The following TRPM6 variants were observed in gnomAD, a reference collection of about 807,000 sequenced individuals.
TRPM6 encodes the protein channel kinase 2.
Under a neutral mutation model 247.6 loss-of-function variants are expected in TRPM6, and 111 were observed. That is an observed-to-expected ratio of 0.45 (90% CI 0.38 to 0.52). TRPM6 has a LOEUF of 0.52. Among genes scored for constraint, TRPM6 ranks in the 20% least tolerant of loss-of-function variants. TRPM6 has a pLI of 0.00. For synonymous variants in TRPM6, 892 were observed against 853.8 expected, an observed-to-expected ratio of 1.04 and a Z score of -0.78; for missense variants, 2,126 against 2,421.5, an observed-to-expected ratio of 0.88 and a Z score of 2.56.
chr9:74,735,286 A>G (rs912282578), intron 36 of TRPM6, among the ~76,000 whole-genome samples: 2 of 152,076 alleles, frequency 1.3e-5, no homozygotes, highest in African/African-American at 4.8e-5. Context: ...GGAAAAGAAA[A>G]GAAGAGGAGA....
At chr9:74,769,202 G>A (rs148352437) in intron 25 of TRPM6, among the ~76,000 whole-genome samples, 2,662 of 152,268 alleles carry the variant, frequency 0.017, 36 homozygotes, top group Non-Finnish European at 0.023. Flanking sequence ...CTGGAGTGCA[G>A]TGGTGCGATT....
chr9:74,749,484 G>A (rs1170710875), intron 30 of TRPM6, among the ~76,000 whole-genome samples: 1 of 152,126 alleles, frequency 6.6e-6, no homozygotes, highest in Non-Finnish European at 1.5e-5. Flanking sequence ...TAAACTAAAG[G>A]ATTCCTGAAC....
intron 29 of TRPM6, among the ~76,000 whole-genome samples, chr9:74,751,421 G>A (rs1253992890): frequency 6.6e-6 from 1 of 152,122 alleles, no homozygotes; most frequent in African/African-American, 2.4e-5. Context: ...TTTGAACACA[G>A]GTCCCTGCTT....
intron 33 of TRPM6, among the ~76,000 whole-genome samples, chr9:74,740,514 T>G (rs188273252): frequency 3.4e-4 from 52 of 152,342 alleles, no homozygotes; most frequent in African/African-American, 1.2e-3. Flanking sequence ...AATATGTGCA[T>G]ATACATAATG....
chr9:74,868,971 G>A (rs931921077), intron 1 of TRPM6, among the ~76,000 whole-genome samples: 2 of 152,182 alleles, frequency 1.3e-5, no homozygotes, highest in African/African-American at 2.4e-5. Flanking sequence ...AATTAGGGAA[G>A]GGAGACAGTT....
chr9:74,852,523 C>G (rs965929547), intron 3 of TRPM6, among the ~76,000 whole-genome samples: 1 of 152,072 alleles, frequency 6.6e-6, no homozygotes, highest in Non-Finnish European at 1.5e-5. Flanking sequence ...CCTCTCTCCA[C>G]GGTCTCCCTC....
At chr9:74,804,519 AAAG>A (rs1321450575) in intron 14 of TRPM6, 5 of 719,136 alleles carry the variant, frequency 7.0e-6, no homozygotes, top group African/African-American at 1.7e-5. Flanking sequence ...AGAGATTGAA[AAAG>A]AAGAGCAGGC....
intron 1 of TRPM6, among the ~76,000 whole-genome samples, chr9:74,885,303 GA>G (rs1831498043): frequency 6.6e-6 from 1 of 152,178 alleles, no homozygotes; most frequent in South Asian, 2.1e-4. Context: ...CAGGAAAACA[GA>G]AAAGAGTTAA....
rs2118843699 is a variant in TRPM6 at position 74,762,935 on chromosome 9, A to G, written c.3736T>C (p.Cys1246Arg). 3 of 1,605,550 alleles carry G rather than the reference A, an allele frequency of 1.9e-6. No homozygotes were observed. Among genetic ancestry groups the G allele is most frequent in the East Asian group, 4.5e-5 (2 of 44,710 alleles). ...CTCCAGCTGTGGGGAAGTTTTTTGC[A>G]AGTAGAATGCTTTCTCTTGGCCAGG... ...ALLAKRKHST[C>R]KKLPHSWSNV... is the part of the protein sequence containing the mutation. The change falls in exon 26 of 39, where the codon TGC (cysteine) becomes CGC (arginine). Residue 1246 changes from cysteine to arginine, a missense_variant. Physicochemically the swap from Cys to Arg is radical, Grantham distance 180 (BLOSUM62 -3). Coordinates refer to ENST00000360774, the MANE Select transcript of TRPM6 (RefSeq NM_017662.5).
intron 1 of TRPM6, among the ~76,000 whole-genome samples, chr9:74,871,468 T>C (rs1427111959): frequency 1.3e-5 from 2 of 152,182 alleles, no homozygotes; most frequent in African/African-American, 2.4e-5. Context: ...ATATATAGAA[T>C]TGCTTCATTT....
At chr9:74,784,645 C>T (rs1167106942) in intron 21 of TRPM6, among the ~76,000 whole-genome samples, 7 of 152,102 alleles carry the variant, frequency 4.6e-5, no homozygotes, top group African/African-American at 1.7e-4. Context: ...AATTACTGTG[C>T]TCAGAGACAG....
chr9:74,830,031 T>C (rs1564034057), intron 6 of TRPM6, among the ~76,000 whole-genome samples: 2 of 152,140 alleles, frequency 1.3e-5, no homozygotes, highest in African/African-American at 4.8e-5. Context: ...CTCTGGAGGC[T>C]GACATGGGAG....
chr9:74,837,804 G>C (rs1829782257), intron 5 of TRPM6, among the ~76,000 whole-genome samples: 1 of 148,842 alleles, frequency 6.7e-6, no homozygotes, highest in South Asian at 2.1e-4. Context: ...AGGCTGGGTA[G>C]AGTGACATGA....
rs375462836 is a variant in TRPM6 at position 74,858,763 on chromosome 9, T to A, written c.34-15A>T. ...GATTTCTGGGACTAAAAAGAAAGTGTCATTATTTTATACTCTAATTATGTG... is the reference window on the plus strand; with the variant it reads ...GATTTCTGGGACTAAAAAGAAAGTGACATTATTTTATACTCTAATTATGTG... On this transcript the variant is annotated splice_polypyrimidine_tract_variant and intron_variant, in intron 1 of 38. Coordinates refer to ENST00000360774, the MANE Select transcript of TRPM6 (RefSeq NM_017662.5). The A allele has an allele frequency of 3.5e-5, 56 of 1,592,848 alleles. No individual in the cohort carries two copies. The highest frequency in any genetic ancestry group is 2.8e-5 in the Non-Finnish European group (33 of 1,161,404).
chr9:74,788,201 C>G (rs1827766429), intron 20 of TRPM6, among the ~76,000 whole-genome samples: 1 of 152,090 alleles, frequency 6.6e-6, no homozygotes, highest in Admixed American at 6.5e-5. Flanking sequence ...TTATGCCACT[C>G]ATTAGATGAA....
At chr9:74,864,553 G>C (rs1429402769) in intron 1 of TRPM6, among the ~76,000 whole-genome samples, 2 of 152,300 alleles carry the variant, frequency 1.3e-5, no homozygotes, top group African/African-American at 4.8e-5. Context: ...CCACTAAATA[G>C]TCTGTCCAGG....
chr9:74,881,206 C>G (rs1333036369), intron 1 of TRPM6, among the ~76,000 whole-genome samples: 2 of 151,606 alleles, frequency 1.3e-5, no homozygotes, highest in Non-Finnish European at 2.9e-5. Context: ...CCTATAAAGA[C>G]AGATATAGAC....
At chr9:74,871,609 A>G (rs755924621) in intron 1 of TRPM6, among the ~76,000 whole-genome samples, 36 of 152,148 alleles carry the variant, frequency 2.4e-4, no homozygotes, top group Non-Finnish European at 3.4e-4. Flanking sequence ...GTTCATGTAG[A>G]TCTTCAGAAT....
At chr9:74,828,070 GCGGC>G in intron 6 of TRPM6, 121 bp from the exon 7 acceptor site, 2 of 1,081,612 alleles carry the variant, frequency 1.8e-6, no homozygotes, top group South Asian at 3.1e-5. Flanking sequence ...AGTACTACTT[GCGGC>G]CAGGCATGGT....
Sources: allele counts gnomAD v4.1 joint callset (sites outside exome capture counted in the v4.1 genomes callset), GRCh38; gene constraint gnomAD v4.1.1; transcripts MANE v1.5; gene names NCBI Gene and HGNC (gene_info 2026-07-23, HGNC 2026-07-21).